ENAH: variants seen among roughly 807,000 people sequenced by gnomAD.
ENAH encodes ENAH actin regulator.
A neutral mutation model predicts 78.7 loss-of-function variants in ENAH; 23 were observed. That is an observed-to-expected ratio of 0.29 (90% confidence interval 0.21 to 0.41). The LOEUF (loss-of-function observed/expected upper bound fraction) is 0.41. ENAH is among the 10% of genes least tolerant of loss of function. The probability of loss-of-function intolerance (pLI) is 1.00; values close to 1 mark genes in which losing one functional copy is unlikely to be tolerated. For missense variants in ENAH, 544 were observed against 691.0 expected, an observed-to-expected ratio of 0.79 and a Z score of 2.39; for synonymous variants, 226 against 241.0, an observed-to-expected ratio of 0.94 and a Z score of 0.58.
At chr1:225,511,750 C>A in intron 10 of ENAH, 61 bp downstream of exon 10, 1 of 1,225,610 alleles carries the variant, frequency 8.2e-7, no homozygotes, top group South Asian at 1.4e-5. Context: ...GAATTTTTAA[C>A]TGGGGAGTAT....
At position 225,508,637 on chromosome 1, in the gene ENAH, T is replaced by C. The variant is rs141109526; in HGVS notation, c.1472-620A>G. 17 of 152,384 alleles carry C rather than the reference T, an allele frequency of 1.1e-4. No homozygotes were observed. The East Asian group carries it at 3.3e-3, about 29-fold the overall frequency. 9.4% of individuals were successfully genotyped at this position (152,384 alleles called of 1,614,324 possible). A position where few individuals can be genotyped will look rare whatever the true frequency, so the allele number is the denominator to read the frequency against. On this transcript the variant is annotated intron_variant, in intron 10 of 13. Transcript: ENST00000366843. ...TAAACAAGCTCGCTCTAAGCTCTTA[T>C]TACAAAAGACACTATGTAGTCAGTG...
chr1:225,652,743 G>A lies in ENAH; in HGVS notation c.-53C>T. On this transcript the variant is annotated 5_prime_UTR_variant, in exon 1 of 14. Coordinates refer to ENST00000366843, the MANE Select transcript of ENAH (RefSeq NM_018212.6). ...CCAGCCGGGAGACGCAGAAGGCGCC[G>A]AGCCGAGGGGGGGGTCTCTCCTCCA... The A allele has an allele frequency of 7.7e-7, 1 of 1,304,626 alleles. No individual in the cohort carries two copies. Among genetic ancestry groups the A allele is most frequent in the East Asian group, 3.1e-5 (1 of 32,462 alleles). The allele number at this position is 1,304,626 out of a possible 1,614,324, so 80.8% of individuals were successfully genotyped here.
At chr1:225,574,919 A>AAAAATAT (rs1177451807) in intron 1 of ENAH, among the ~76,000 whole-genome samples, 34 of 2,992 alleles carry the variant, frequency 0.011, 10 homozygotes, top group African/African-American at 0.081. Context: ...AAAAAAAAAA[A>AAAAATAT]ATATATATAT....
intron 7 of ENAH, 29 bp downstream of exon 7, chr1:225,514,567 T>C (rs761538615): frequency 8.9e-6 from 14 of 1,566,734 alleles, no homozygotes; most frequent in Admixed American, 1.7e-5. Context: ...ATAAGACATA[T>C]TAAAAAAATT....
chr1:225,597,248 C>T (rs2147956173), intron 1 of ENAH, among the ~76,000 whole-genome samples: 1 of 152,116 alleles, frequency 6.6e-6, no homozygotes, highest in South Asian at 2.1e-4. Context: ...AATGGTAGTG[C>T]CTTGGAACAA....
chr1:225,491,215 A>C lies in ENAH; in HGVS notation c.*6560T>G, dbSNP rs2096220431. ...GAGTACAGTGGCGCGGTCTTAGCTCACTGCAACCTCCACCTCCTGGATTCA... is the reference window on the plus strand; with the variant it reads ...GAGTACAGTGGCGCGGTCTTAGCTCCCTGCAACCTCCACCTCCTGGATTCA... On this transcript the variant is annotated 3_prime_UTR_variant, in exon 14 of 14. Coordinates refer to ENST00000366843, the MANE Select transcript of ENAH (RefSeq NM_018212.6). 6.6e-6 allele frequency: 1 copy of C among 152,250 alleles called. No individual in the cohort carries two copies. The highest frequency in any genetic ancestry group is 1.5e-5 in the Non-Finnish European group (1 of 68,076). 9.4% of individuals were successfully genotyped at this position (152,250 alleles called of 1,614,324 possible).
chr1:225,504,071 A>G (rs2096306447), intron 11 of ENAH, among the ~76,000 whole-genome samples: 1 of 150,200 alleles, frequency 6.7e-6, no homozygotes, highest in African/African-American at 2.5e-5. Flanking sequence ...CAGTGGTGTT[A>G]TCATGGCTCA....
At chr1:225,539,014 T>C (rs1026411434) in intron 3 of ENAH, among the ~76,000 whole-genome samples, 3 of 152,348 alleles carry the variant, frequency 2.0e-5, no homozygotes, top group South Asian at 4.1e-4. Flanking sequence ...AAGGGCATTA[T>C]TGAGTATATG....
Position 225,514,661 on chromosome 1 carries a change from C to G in ENAH, c.1153G>C (p.Asp385His), listed in dbSNP as rs768736137. 2.0e-5 allele frequency: 32 copies of G among 1,604,180 alleles called. No homozygotes were observed. In the Admixed American group the frequency reaches 5.4e-4, roughly 27 times the overall value. Residue 385 changes from aspartate (D) to histidine (H), a missense_variant, in exon 7 of 14, where the codon GAC (aspartate) becomes CAC (histidine). By Grantham distance (81) the Asp-to-His change is moderately conservative. This residue lies in a region of ENAH where 366 missense variants were observed against 396.1 expected (regional missense o/e 0.92). Coordinates refer to ENST00000366843, the MANE Select transcript of ENAH (RefSeq NM_018212.6). ...GCAAGTCCAGTTAAAGGGCGATTGT[C>G]TTCTGACATGGATGCCAAAAAGAAT... The part of the protein sequence containing the change: ...SGFFLASMSE[D>H]NRPLTGLAAA...
At chr1:225,555,168 T>A (rs1238168197) in intron 2 of ENAH, 85 bp from the exon 3 acceptor site, 1 of 1,200,966 alleles carries the variant, frequency 8.3e-7, no homozygotes, top group Admixed American at 2.5e-5. Flanking sequence ...ATATATTCAT[T>A]CAAATGTGTT....
intron 3 of ENAH, among the ~76,000 whole-genome samples, chr1:225,547,464 T>TTCC (rs2096620681): frequency 2.0e-5 from 3 of 152,154 alleles, no homozygotes; most frequent in Admixed American, 2.0e-4. Context: ...CCACATTGGT[T>TTCC]TCCTGTTTAA....
intron 1 of ENAH, among the ~76,000 whole-genome samples, chr1:225,639,741 CACAA>C (rs1018276119): frequency 2.1e-4 from 28 of 132,824 alleles, no homozygotes; most frequent in African/African-American, 1.2e-3. Flanking sequence ...CACACACACA[CACAA>C]GAAGGATGGT....
chr1:225,514,657 T>C lies in ENAH; in HGVS notation c.1157A>G (p.Asn386Ser), dbSNP rs1035792562. 3 of 1,611,984 alleles carry C rather than the reference T, an allele frequency of 1.9e-6. No individual in the cohort carries two copies. Among genetic ancestry groups the C allele is most frequent in the Admixed American group, 1.7e-5 (1 of 59,860 alleles). ...AGCTGCAAGTCCAGTTAAAGGGCGA[T>C]TGTCTTCTGACATGGATGCCAAAAA... ...GFFLASMSEDNRPLTGLAAAI... is the reference protein window; with the variant it reads ...GFFLASMSEDSRPLTGLAAAI... The change falls in exon 7 of 14, where the codon AAT (asparagine) becomes AGT (serine). Residue 386 changes from asparagine (N) to serine (S), a missense_variant. Asn to Ser is a conservative substitution (Grantham distance 46). This residue lies in a region of ENAH where 366 missense variants were observed against 396.1 expected (regional missense o/e 0.92). Transcript: ENST00000366843.
At chr1:225,568,166 A>C (rs1159437266) in intron 1 of ENAH, among the ~76,000 whole-genome samples, 1 of 152,244 alleles carries the variant, frequency 6.6e-6, no homozygotes, top group Non-Finnish European at 1.5e-5. Flanking sequence ...ATTCTGTCAT[A>C]GAATCTTTAA....
chr1:225,544,873 T>C (rs1394110570), intron 3 of ENAH, among the ~76,000 whole-genome samples: 1 of 152,120 alleles, frequency 6.6e-6, no homozygotes, highest in Non-Finnish European at 1.5e-5. Flanking sequence ...AAATCACAAA[T>C]GTACTGACTG....
chr1:225,568,157 T>C (rs956455881), intron 1 of ENAH, among the ~76,000 whole-genome samples: 1 of 152,216 alleles, frequency 6.6e-6, no homozygotes, highest in African/African-American at 2.4e-5. Flanking sequence ...AAAAGGCCAA[T>C]TCTGTCATAG....
chr1:225,605,566 T>C (rs1407532501), intron 1 of ENAH, among the ~76,000 whole-genome samples: 1 of 152,186 alleles, frequency 6.6e-6, no homozygotes, highest in Non-Finnish European at 1.5e-5. Flanking sequence ...TTCTGAAGTG[T>C]ATCAGAAATG....
chr1:225,583,096 T>C (rs544404), intron 1 of ENAH, among the ~76,000 whole-genome samples: 138,623 of 152,258 alleles, frequency 0.91, 63,289 homozygotes, highest in African/African-American at 0.97. Context: ...TAGAATTCCA[T>C]ATCCAGGGAA....
intron 2 of ENAH, among the ~76,000 whole-genome samples, chr1:225,566,636 G>C (rs902429690): frequency 6.6e-6 from 1 of 152,134 alleles, no homozygotes; most frequent in Non-Finnish European, 1.5e-5. Flanking sequence ...ATGCTAGTAA[G>C]AGCTTATCTG....
Sources: gnomAD v4.1 joint callset for allele counts (sites outside exome capture counted in the v4.1 genomes callset) on GRCh38, gnomAD v4.1.1 for gene constraint, gnomAD v4.1.1 regional missense constraint, MANE v1.5 for transcripts, NCBI Gene and HGNC (gene_info 2026-07-23, HGNC 2026-07-21) for gene names.